MEGF6: variants seen among roughly 807,000 people sequenced by gnomAD.
MEGF6 encodes multiple epidermal growth factor-like domains protein 6.
In MEGF6, 184 loss-of-function variants were observed where a neutral mutation model predicts 207.1. The ratio of observed to expected loss-of-function variants is 0.89; its 90% CI spans 0.79 to 1.00. The LOEUF (loss-of-function observed/expected upper bound fraction) is 1.00, where lower values mean the gene tolerates loss of function less well. Ranked by LOEUF, MEGF6 falls within the 50% of genes least tolerant of loss-of-function variation. The pLI, the probability that MEGF6 is intolerant of heterozygous loss-of-function variation, is 0.00. For synonymous variants in MEGF6, 1,038 were observed against 910.0 expected (o/e 1.14, Z -2.53); for missense variants, 2,282 against 2,202.9 (o/e 1.04, Z -0.72).
chr1:3,529,712 C>T (rs1038494323), intron 4 of MEGF6, among the ~76,000 whole-genome samples: 3 of 152,202 alleles, frequency 2.0e-5, no homozygotes, highest in Non-Finnish European at 4.4e-5. Flanking sequence ...CCCATGGGGC[C>T]CCCAGCGACC....
At chr1:3,582,221 A>C (rs1343212774) in intron 3 of MEGF6, among the ~76,000 whole-genome samples, 1 of 152,182 alleles carries the variant, frequency 6.6e-6, no homozygotes, top group African/African-American at 2.4e-5. Context: ...GAGACCAATG[A>C]TTAACGTCTG....
chr1:3,490,969 A>T lies in MEGF6; in HGVS notation c.4517-10T>A. On this transcript the variant is annotated splice_polypyrimidine_tract_variant and intron_variant, in intron 35 of 36. Coordinates refer to ENST00000356575, the MANE Select transcript of MEGF6 (RefSeq NM_001409.4). ...AGCCGGAGGGGCCCACCTGGAGGGGAGAGAGAGCAGGCCATGTTAGTACCC... is the reference window on the plus strand; with the variant it reads ...AGCCGGAGGGGCCCACCTGGAGGGGTGAGAGAGCAGGCCATGTTAGTACCC... 1.3e-6 allele frequency: 2 copies of T among 1,593,920 alleles called. No individual in the cohort carries two copies. The highest frequency in any genetic ancestry group is 1.7e-6 in the Non-Finnish European group (2 of 1,173,310).
At position 3,494,524 on chromosome 1, in the gene MEGF6, T is replaced by C. The variant is rs759189596; in HGVS notation, c.4001-25A>G. ...GCTGGGGACAGGGCAGGGTGGGCAG[T>C]CCTTCGGCACCAGCCTTGCCCAGCC... On this transcript the variant is annotated intron_variant, in intron 31 of 36. Coordinates refer to ENST00000356575, the MANE Select transcript of MEGF6 (RefSeq NM_001409.4). The C allele has an allele frequency of 3.8e-6, 6 of 1,579,818 alleles. No homozygotes were observed. The South Asian group carries it at 6.9e-5, about 18-fold the overall frequency.
intron 4 of MEGF6, among the ~76,000 whole-genome samples, chr1:3,576,494 G>A (rs1278163216): frequency 6.6e-6 from 1 of 152,160 alleles, no homozygotes; most frequent in African/African-American, 2.4e-5. Flanking sequence ...TTATAATTGG[G>A]GGGTTAGTGA....
intron 4 of MEGF6, among the ~76,000 whole-genome samples, chr1:3,578,965 T>C (rs998459178): frequency 6.6e-6 from 1 of 152,184 alleles, no homozygotes; most frequent in African/African-American, 2.4e-5. Flanking sequence ...TCATCCGATT[T>C]CCTCGAATCG....
At chr1:3,610,211 C>T (rs1406330128) in intron 1 of MEGF6, among the ~76,000 whole-genome samples, 1 of 152,248 alleles carries the variant, frequency 6.6e-6, no homozygotes, top group Admixed American at 6.5e-5. Flanking sequence ...GCTTGGACCC[C>T]CTCCTCTTCA....
chr1:3,539,640 C>A (rs573000751), intron 4 of MEGF6, among the ~76,000 whole-genome samples: 2 of 152,302 alleles, frequency 1.3e-5, no homozygotes, highest in East Asian at 3.9e-4. Flanking sequence ...CCTGGGAAAC[C>A]AAGCTGGGGC....
intron 3 of MEGF6, among the ~76,000 whole-genome samples, chr1:3,593,149 G>A (rs925046856): frequency 2.0e-5 from 3 of 152,152 alleles, no homozygotes; most frequent in African/African-American, 4.8e-5. Context: ...AGCTCACCTC[G>A]AGCCAGGCTG....
rs530861007 is a variant in MEGF6, at chr1:3,494,277, CCCA to C, written c.4129+91_4129+93del. On this transcript the variant is annotated intron_variant, in intron 32 of 36. Coordinates refer to ENST00000356575, the MANE Select transcript of MEGF6 (RefSeq NM_001409.4). ...CCCACTGCTGCTGGCTCCCCACCTC[CCCA>C]CCACTTCACTGCTGCCTGGATCACC... 157 of 1,473,250 alleles carry C rather than the reference CCCA, an allele frequency of 1.1e-4. 1 individual carries two copies. In the African/African-American group the frequency reaches 1.9e-3, roughly 18 times the overall value. The allele number at this position is 1,473,250 out of a possible 1,614,324, so 91.3% of individuals were successfully genotyped here.
intron 1 of MEGF6, 106 bp from the exon 2 acceptor site, chr1:3,602,706 C>T (rs1644180249): frequency 8.9e-6 from 13 of 1,455,864 alleles, no homozygotes; most frequent in Non-Finnish European, 1.2e-5. Flanking sequence ...GAGTGAGGTC[C>T]AGACCCGTGG....
At chr1:3,506,374 C>T in intron 14 of MEGF6, 138 bp from the exon 15 acceptor site, 1 of 1,114,958 alleles carries the variant, frequency 9.0e-7, no homozygotes, top group Non-Finnish European at 1.3e-6. Context: ...ACTAGGTGAG[C>T]CTTCCGGATG....
chr1:3,505,549 C>T lies in MEGF6; in HGVS notation c.1926G>A (p.Pro642=), dbSNP rs116651284. 2.7e-3 allele frequency: 4,243 copies of T among 1,577,662 alleles called. 96 individuals are homozygous for T. In the African/African-American group the frequency reaches 0.051, roughly 19 times the overall value. Reference sequence around the variant, plus strand: ...AGCAGCCCGGCCCAAAGGCCCACGGCGGGCAGGCTGCACCCACAGAACCGT... The same window carrying T: ...AGCAGCCCGGCCCAAAGGCCCACGGTGGGCAGGCTGCACCCACAGAACCGT... ...LYGRFCHLTC[P]PWAFGPGCSE... Residue 642 remains proline (P), a synonymous_variant, in exon 16 of 37, where the codon CCG becomes CCA. Coordinates refer to ENST00000356575, the MANE Select transcript of MEGF6 (RefSeq NM_001409.4).
the MEGF6 span, among the ~76,000 whole-genome samples, chr1:3,620,860 G>A: frequency 1.3e-5 from 2 of 152,258 alleles, no homozygotes; most frequent in Non-Finnish European, 2.9e-5. Flanking sequence ...AGGGTAAGGA[G>A]TGTGACTCAT....
chr1:3,498,524 G>C, intron 25 of MEGF6, 25 bp from the exon 26 acceptor site: 1 of 1,546,294 alleles, frequency 6.5e-7, no homozygotes, highest in Non-Finnish European at 8.7e-7. Context: ...GCAGGCACGA[G>C]GGTGAGGGTC....
In MEGF6 at chr1:3,577,615, C is replaced by T. The variant is rs957656954; in HGVS notation, c.481+2210G>A. 6.9e-4 allele frequency among the ~76,000 whole-genome samples: 105 copies of T among 152,234 alleles called. 1 individual carries two copies. The highest frequency in any genetic ancestry group is 2.0e-4 in the Admixed American group (3 of 15,284). ...CTCCCTGCTCTGCGGTGCGTTCCCACGGTGACTGGGGCATGGGGCTGCTGC... is the reference window on the plus strand; with the variant it reads ...CTCCCTGCTCTGCGGTGCGTTCCCATGGTGACTGGGGCATGGGGCTGCTGC... On this transcript the variant is annotated intron_variant, in intron 4 of 36. Coordinates refer to ENST00000356575, the MANE Select transcript of MEGF6 (RefSeq NM_001409.4).
intron 4 of MEGF6, among the ~76,000 whole-genome samples, chr1:3,551,530 AC>A (rs1221237150): frequency 2.0e-5 from 3 of 151,500 alleles, no homozygotes; most frequent in Admixed American, 6.6e-5. Context: ...CTGGCTGGAA[AC>A]CCTCCCTGGC....
Position 3,514,563 on chromosome 1 carries a change from G to T in MEGF6, c.840C>A (p.Gly280=). The change falls in exon 7 of 37, where the codon GGC becomes GGA. Residue 280 remains glycine (G), a synonymous_variant. Transcript: ENST00000356575. The part of the protein sequence containing the change: ...CHVGYQLAAD[G]KACEDVDECA... Reference sequence around the variant, plus strand: ...GGGGCGTCCTACCTTCACAGGCCTTGCCGTCCGCTGCTAGCTGATAGCCCA... The same window carrying T: ...GGGGCGTCCTACCTTCACAGGCCTTTCCGTCCGCTGCTAGCTGATAGCCCA... The T allele has an allele frequency of 6.3e-7, 1 of 1,590,708 alleles. No individual in the cohort carries two copies.
chr1:3,526,101 C>T (rs1641951808), intron 4 of MEGF6, among the ~76,000 whole-genome samples: 2 of 152,190 alleles, frequency 1.3e-5, no homozygotes, highest in Non-Finnish European at 2.9e-5. Context: ...CTCAGCACTG[C>T]CCAGAGAACA....
At chr1:3,502,550 C>T (rs1181078540) in intron 17 of MEGF6, among the ~76,000 whole-genome samples, 1 of 152,106 alleles carries the variant, frequency 6.6e-6, no homozygotes, top group African/African-American at 2.4e-5. Flanking sequence ...ATGGGGAGGG[C>T]AGGGGGCCTC....
Sources: gnomAD v4.1 joint callset for allele counts (sites outside exome capture counted in the v4.1 genomes callset) on GRCh38, gnomAD v4.1.1 for gene constraint, MANE v1.5 for transcripts, NCBI Gene and HGNC (gene_info 2026-07-23, HGNC 2026-07-21) for gene names.